SLC29A2: variants seen among roughly 807,000 people sequenced by gnomAD.
The protein encoded by SLC29A2 is equilibrative nucleoside transporter 2.
Under a neutral mutation model 48.8 loss-of-function variants are expected in SLC29A2, and 37 were observed. That is an observed-to-expected ratio of 0.76 (90% CI 0.58 to 1.00). The LOEUF is 1.00. SLC29A2 is among the 50% of genes least tolerant of loss of function. The pLI is 0.00. For missense variants in SLC29A2, 533 were observed against 578.6 expected, an observed-to-expected ratio of 0.92 and a Z score of 0.81; for synonymous variants, 233 against 261.7, an observed-to-expected ratio of 0.89 and a Z score of 1.06.
At chr11:66,367,639 C>T (rs936340428) in intron 6 of SLC29A2, 91 bp from the exon 7 acceptor site, 1 of 1,509,920 alleles carries the variant, frequency 6.6e-7, no homozygotes, top group Non-Finnish European at 9.2e-7. Context: ...GCTGGGGCCC[C>T]TCAGTGTCTT....
At chr11:66,364,509 T>A in intron 10 of SLC29A2, 85 bp from the exon 11 acceptor site, 1 of 973,162 alleles carries the variant, frequency 1.0e-6, no homozygotes, top group South Asian at 1.5e-5. Context: ...AGTACTTTTT[T>A]TTTTTTTTTT....
chr11:66,369,044 G>A lies in SLC29A2; in HGVS notation c.415+16C>T. 6.3e-7 allele frequency: 1 copy of A among 1,595,106 alleles called. No homozygotes were observed. The highest frequency in any genetic ancestry group is 1.7e-5 in the Admixed American group (1 of 57,406). On this transcript the variant is annotated intron_variant, in intron 4 of 11. Transcript: ENST00000357440. ...GCCCTGCATAGGCTGGCTGGAGAGG[G>A]GGTGGAGGTGCTCACAGTTGATGAA...
At position 66,364,174 on chromosome 11, in the gene SLC29A2, T is replaced by C. The variant is rs565273447; in HGVS notation, c.1259+51A>G. The C allele has an allele frequency of 2.0e-5, 29 of 1,453,140 alleles. No homozygotes were observed. In the East Asian group the frequency reaches 6.5e-4, roughly 33 times the overall value. 90.0% of individuals were successfully genotyped at this position (1,453,140 alleles called of 1,614,324 possible). On this transcript the variant is annotated intron_variant, in intron 11 of 11. Coordinates refer to ENST00000357440, the MANE Select transcript of SLC29A2 (RefSeq NM_001532.3). The stretch of plus-strand genomic sequence containing the variant: ...TTGCAGGCGGTCCCTTCCCAAAGAC[T>C]GAACCCACCTCCCTACTCCCAGCCC...
At position 66,369,500 on chromosome 11, in the gene SLC29A2, G is replaced by T. The variant is rs748136429; in HGVS notation, c.144C>A (p.Asn48Lys). The T allele has an allele frequency of 2.2e-5, 36 of 1,613,844 alleles. No homozygotes were observed. Among genetic ancestry groups the T allele is most frequent in the Non-Finnish European group, 3.0e-5 (35 of 1,179,984 alleles). ...YFQARLAGAG[N>K]STARILSTNH... is the part of the protein sequence containing the mutation. ...TGGTGCTCAGGATCCTGGCTGTGCT[G>T]TTGCCGGCCCCGGCCAGTCGCGCCT... The change falls in exon 3 of 12, where the codon AAC (asparagine) becomes AAA (lysine). Residue 48 changes from asparagine to lysine, a missense_variant. Transcript: ENST00000357440.
chr11:66,366,092 C>G (rs1855674000), intron 9 of SLC29A2, 34 bp downstream of exon 9: 7 of 1,606,344 alleles, frequency 4.4e-6, no homozygotes, highest in African/African-American at 1.3e-5. Flanking sequence ...CTTTGTACCC[C>G]CTGCCCTGCC....
Position 66,368,677 on chromosome 11 carries a change from G to A in SLC29A2, c.416-6C>T, listed in dbSNP as rs1323172046. The A allele has an allele frequency of 4.4e-6, 7 of 1,593,210 alleles. No individual in the cohort carries two copies. Among genetic ancestry groups the A allele is most frequent in the Non-Finnish European group, 6.0e-6 (7 of 1,170,032 alleles). ...CTGTAGGACTGCACTGAAGGCTGTGGAGGACAGGGATGGGGGCTGCTGCTC... is the reference window on the plus strand; with the variant it reads ...CTGTAGGACTGCACTGAAGGCTGTGAAGGACAGGGATGGGGGCTGCTGCTC... On this transcript the variant is annotated splice_polypyrimidine_tract_variant and splice_region_variant and intron_variant, in intron 4 of 11. Coordinates refer to ENST00000357440, the MANE Select transcript of SLC29A2 (RefSeq NM_001532.3).
chr11:66,369,829 C>T (rs1390772510), intron 2 of SLC29A2, among the ~76,000 whole-genome samples: 1 of 152,210 alleles, frequency 6.6e-6, no homozygotes, highest in Non-Finnish European at 1.5e-5. Flanking sequence ...GCAGCAGCTG[C>T]TACATTCATT....
At chr11:66,372,397 C>G (rs1856108050), upstream of SLC29A2, among the ~76,000 whole-genome samples, 1 of 152,216 alleles carries the variant, frequency 6.6e-6, no homozygotes, top group South Asian at 2.1e-4. Context: ...TCTGCAATCC[C>G]CGGGCGTATC....
At position 66,368,561 on chromosome 11, in the gene SLC29A2, G is replaced by T. The variant is rs149647183; in HGVS notation, c.526C>A (p.Leu176Ile). The T allele has an allele frequency of 1.1e-5, 18 of 1,613,322 alleles. No individual in the cohort carries two copies. The African/African-American group carries it at 2.3e-4, about 20-fold the overall frequency. ...CTGGCCATGGACAGGAGCATGGCAA[G>T]GGCAGCAAAGATCCCAGCCAGGCCC... ...GQGLAGIFAA[L>I]AMLLSMASGV... Residue 176 changes from leucine (L) to isoleucine (I), a missense_variant, in exon 5 of 12, where the codon CTT becomes ATT. Leu to Ile is a conservative substitution (Grantham distance 5). Coordinates refer to ENST00000357440, the MANE Select transcript of SLC29A2 (RefSeq NM_001532.3).
At chr11:66,364,974 T>A (rs1445900631) in intron 10 of SLC29A2, among the ~76,000 whole-genome samples, 1 of 151,642 alleles carries the variant, frequency 6.6e-6, no homozygotes, top group Admixed American at 6.6e-5. Flanking sequence ...TGAGACAGAG[T>A]CTCGCTCTGT....
chr11:66,363,647 C>A (rs1432757547), intron 11 of SLC29A2, 100 bp from the exon 12 acceptor site: 3 of 836,214 alleles, frequency 3.6e-6, no homozygotes, highest in Non-Finnish European at 6.1e-6. Context: ...CTGACCCAAC[C>A]CCTCTGTCAC....
At chr11:66,371,763 G>C, upstream of SLC29A2, 1 of 633,638 alleles carries the variant, frequency 1.6e-6, no homozygotes, top group Non-Finnish European at 2.7e-6. Context: ...CGTGTCTCGC[G>C]CTCCGCAGGC....
At chr11:66,365,274 C>A (rs1227125712) in intron 10 of SLC29A2, among the ~76,000 whole-genome samples, 1 of 130,856 alleles carries the variant, frequency 7.6e-6, no homozygotes, top group Non-Finnish European at 1.6e-5. Context: ...CATCTGTCAC[C>A]CCCTGACCTC....
rs946464748 is a variant in SLC29A2, at chr11:66,367,778, A to C, written c.642T>G (p.Pro214=). The change falls in exon 6 of 12, where the codon CCT becomes CCG. Residue 214 remains proline (P), a synonymous_variant. Transcript: ENST00000357440. The part of the protein sequence containing the change: ...LMSIVCYLSL[P]HLKFARYYLA... ...AGCCCAACAGCAGGCTCACCAGGTG[A>C]GGCAGGCTCAGGTAACACACGATGG... The C allele has an allele frequency of 6.2e-7, 1 of 1,613,962 alleles. No individual in the cohort carries two copies.
upstream of SLC29A2, among the ~76,000 whole-genome samples, chr11:66,372,398 C>T (rs1003889759): frequency 6.6e-6 from 1 of 152,230 alleles, no homozygotes; most frequent in East Asian, 1.9e-4. Context: ...CTGCAATCCC[C>T]GGGCGTATCG....
chr11:66,367,821 C>T lies in SLC29A2; in HGVS notation c.599G>A (p.Cys200Tyr). 6.2e-7 allele frequency: 1 copy of T among 1,614,198 alleles called. No individual in the cohort carries two copies. The highest frequency in any genetic ancestry group is 1.6e-4 in the Middle Eastern group (1 of 6,062). The change falls in exon 6 of 12, where the codon TGT (cysteine) becomes TAT (tyrosine). Residue 200 changes from cysteine (C) to tyrosine (Y), a missense_variant. Transcript: ENST00000357440. Reference sequence around the variant, plus strand: ...CACGATGGACATGAGGATGCCCACACAGGGCGTGATAAAGTACCCCAGGGC... The same window carrying T: ...CACGATGGACATGAGGATGCCCACATAGGGCGTGATAAAGTACCCCAGGGC... ...TSALGYFITP[C>Y]VGILMSIVCY...
intron 2 of SLC29A2, among the ~76,000 whole-genome samples, chr11:66,370,192 C>T (rs1415107951): frequency 6.6e-6 from 1 of 152,260 alleles, no homozygotes; most frequent in African/African-American, 2.4e-5. Context: ...CACCCCTCCA[C>T]ATGCACTTTG....
At position 66,363,669 on chromosome 11, in the gene SLC29A2, C is replaced by G. The variant is rs527580980; in HGVS notation, c.1260-122G>C. 113 of 759,780 alleles carry G rather than the reference C, an allele frequency of 1.5e-4. No homozygotes were observed. In the African/African-American group the frequency reaches 1.8e-3, roughly 12 times the overall value. The allele number at this position is 759,780 out of a possible 1,614,324, so 47.1% of individuals were successfully genotyped here. On this transcript the variant is annotated intron_variant, in intron 11 of 11. Transcript: ENST00000357440. ...AACCCCTCTGTCACCATAACTGGCCCCTTCTTTCCGGGCCTCAGTTTCCTG... is the reference window on the plus strand; with the variant it reads ...AACCCCTCTGTCACCATAACTGGCCGCTTCTTTCCGGGCCTCAGTTTCCTG...
chr11:66,363,558 C>T lies in SLC29A2; in HGVS notation c.1260-11G>A, dbSNP rs745322770. ...TGTGGCAGCACCTGCCTAGAACACC[C>T]GGGAACAGGAGCTCTTAGAAAATGC... On this transcript the variant is annotated splice_polypyrimidine_tract_variant and intron_variant, in intron 11 of 11. Transcript: ENST00000357440. 1.8e-5 allele frequency: 29 copies of T among 1,598,766 alleles called. No individual in the cohort carries two copies. The highest frequency in any genetic ancestry group is 2.3e-5 in the Non-Finnish European group (27 of 1,169,000).
Sources: allele counts gnomAD v4.1 joint callset (sites outside exome capture counted in the v4.1 genomes callset), GRCh38; gene constraint gnomAD v4.1.1; transcripts MANE v1.5; gene names NCBI Gene and HGNC (gene_info 2026-07-23, HGNC 2026-07-21).